MVP: variants seen among roughly 807,000 people sequenced by gnomAD.
The protein encoded by MVP is major vault protein.
Under a neutral mutation model 83.5 loss-of-function variants are expected in MVP, and 62 were observed. That is an observed-to-expected ratio of 0.74 (90% CI 0.61 to 0.92). The LOEUF is 0.92. Ranked by LOEUF, MVP falls within the 40% of genes least tolerant of loss-of-function variation. The pLI is 0.00. For missense variants in MVP, 1,000 were observed against 1,203.4 expected, an observed-to-expected ratio of 0.83 and a Z score of 2.50; for synonymous variants, 505 against 504.1, an observed-to-expected ratio of 1.00 and a Z score of -0.02.
intron 1 of MVP, chr16:29,821,326 G>C (rs1230722822): frequency 1.3e-5 from 2 of 152,346 alleles, no homozygotes; most frequent in Non-Finnish European, 2.9e-5. Context: ...GGCACACAGA[G>C]CACTGGGTCG....
Position 29,846,335 on chromosome 16 carries a change from GC to G in MVP, c.2265+54del, listed in dbSNP as rs759936175. 23 of 1,523,158 alleles carry G rather than the reference GC, an allele frequency of 1.5e-5. 1 individual carries two copies. The South Asian group carries it at 2.8e-4, about 18-fold the overall frequency. 94.4% of individuals were successfully genotyped at this position (1,523,158 alleles called of 1,614,324 possible). A position where few individuals can be genotyped will look rare whatever the true frequency, so the allele number is the denominator to read the frequency against. On this transcript the variant is annotated intron_variant, in intron 13 of 14. Coordinates refer to ENST00000357402, the MANE Select transcript of MVP (RefSeq NM_005115.5). ...AGGGTGGCCTTGAGTCCTGGAAAAG[GC>G]CCATTCCCTACAGTCCCTGAGACTG...
Position 29,832,328 on chromosome 16 carries a change from C to T in MVP, c.321+1255C>T, listed in dbSNP as rs147199029. ...TTTTTTTTTTTTTGAGATGGAGTCT[C>T]ACTCTGTTGCCCAGGCTGGAGTACA... On this transcript the variant is annotated intron_variant, in intron 3 of 14. Coordinates refer to ENST00000357402, the MANE Select transcript of MVP (RefSeq NM_005115.5). 4.3e-3 allele frequency among the ~76,000 whole-genome samples: 517 copies of T among 120,810 alleles called. 4 individuals are homozygous for T. Among genetic ancestry groups the T allele is most frequent in the African/African-American group, 0.016 (481 of 30,202 alleles). The allele number at this position is 120,810 out of a possible 152,430, so 79.3% of individuals were successfully genotyped here. A position where few individuals can be genotyped will look rare whatever the true frequency, so the allele number is the denominator to read the frequency against.
chr16:29,821,308 ACT>A (rs1416717040), intron 1 of MVP: 1 of 151,524 alleles, frequency 6.6e-6, no homozygotes, highest in Non-Finnish European at 1.5e-5. Flanking sequence ...TCTGCCAGAA[ACT>A]CCCTTGGCAC....
intron 1 of MVP, among the ~76,000 whole-genome samples, chr16:29,822,064 T>G (rs1418679498): frequency 6.6e-6 from 1 of 151,240 alleles, no homozygotes; most frequent in African/African-American, 2.4e-5. Context: ...TGTCTCTGTT[T>G]GTGTGTGTGT....
In MVP at chr16:29,830,681, G is replaced by A; in HGVS notation, c.125+7G>A. The A allele has an allele frequency of 6.2e-7, 1 of 1,613,814 alleles. No homozygotes were observed. Among genetic ancestry groups the A allele is most frequent in the Non-Finnish European group, 8.5e-7 (1 of 1,179,878 alleles). On this transcript the variant is annotated splice_region_variant and intron_variant, in intron 2 of 14. Transcript: ENST00000357402. ...TCCGGCAGGACAATGAGAGGTGGGT[G>A]TGGGGGCTGGGCTGTGGGGGATCCT...
At chr16:29,833,468 C>CT (rs34663728) in intron 3 of MVP, 14,743 of 128,698 alleles carry the variant, frequency 0.11, 1,014 homozygotes, top group African/African-American at 0.2. Context: ...CCTGGCTACA[C>CT]TTTTTTTTTT....
At chr16:29,833,490 T>G in intron 3 of MVP, 1 of 250,180 alleles carries the variant, frequency 4.0e-6, no homozygotes, top group Non-Finnish European at 7.6e-6. Context: ...TTTTTTTTTT[T>G]TAGAGATGGG....
At chr16:29,836,649 G>A in intron 6 of MVP, 73 bp from the exon 7 acceptor site, 1 of 1,221,480 alleles carries the variant, frequency 8.2e-7, no homozygotes, top group Non-Finnish European at 1.1e-6. Flanking sequence ...GGAGCATTTG[G>A]TGGCCAATGG....
chr16:29,842,769 G>A (rs2067545526), intron 10 of MVP, among the ~76,000 whole-genome samples: 1 of 152,188 alleles, frequency 6.6e-6, no homozygotes, highest in African/African-American at 2.4e-5. Context: ...GGTCAAGAGG[G>A]AACCTAGGAG....
chr16:29,835,506 C>G, intron 5 of MVP, 198 bp from the exon 6 acceptor site: 7 of 162,518 alleles, frequency 4.3e-5, no homozygotes, highest in East Asian at 2.9e-4. Context: ...AAAAAAAAAA[C>G]TTTTAAAATT....
Position 29,846,051 on chromosome 16 carries a change from G to C in MVP, c.2138+72G>C. ...AGGACAGCAGCTGGTGTGGGCAGCA[G>C]GCCTGGGTGGGGTGTCGATGAGACA... On this transcript the variant is annotated intron_variant, in intron 12 of 14. Transcript: ENST00000357402. The C allele has an allele frequency of 1.9e-6, 3 of 1,610,546 alleles. No homozygotes were observed. In the South Asian group the frequency reaches 3.3e-5, roughly 18 times the overall value.
chr16:29,838,483 G>A (rs2067507102), intron 7 of MVP, among the ~76,000 whole-genome samples: 1 of 151,608 alleles, frequency 6.6e-6, no homozygotes, highest in Non-Finnish European at 1.5e-5. Context: ...TATAATGAAT[G>A]GATAAAAAAT....
In MVP at chr16:29,847,928, C is replaced by T. The variant is rs368030868; in HGVS notation, c.2621C>T (p.Pro874Leu). ...CCCAGCCCTGGGGAGGGGATATCCC[C>T]CCAGTCTGCTCAGGCCCCTCAAGCT... ...SGPSPGEGIS[P>L]QSAQAPQAPG... is the part of the protein sequence containing the mutation. Residue 874 changes from proline to leucine, a missense_variant, in exon 15 of 15, where the codon CCC (proline) becomes CTC (leucine). Physicochemically the swap from Pro to Leu is moderately conservative, Grantham distance 98 (BLOSUM62 -3). Transcript: ENST00000357402. 1.9e-6 allele frequency: 3 copies of T among 1,613,624 alleles called. No homozygotes were observed. The highest frequency in any genetic ancestry group is 2.5e-6 in the Non-Finnish European group (3 of 1,179,846).
intron 1 of MVP, among the ~76,000 whole-genome samples, chr16:29,829,073 CTTT>C (rs36101620): frequency 1.6e-5 from 2 of 128,328 alleles, no homozygotes; most frequent in African/African-American, 3.0e-5. Context: ...TGAGGAACCA[CTTT>C]TTTTTTTTTT....
intron 1 of MVP, among the ~76,000 whole-genome samples, chr16:29,821,904 G>A (rs1259941282): frequency 6.6e-6 from 1 of 152,152 alleles, no homozygotes; most frequent in Admixed American, 6.5e-5. Flanking sequence ...AGTGAGGCCT[G>A]CAAAAAGCAG....
In MVP at chr16:29,830,287, C is replaced by T. The variant is rs151252306; in HGVS notation, c.-35-228C>T. ...GGCAAGGAACCCTGGGCCTCTGTGG[C>T]TCACTGCATCAAGCAGTTCTTGGCA... On this transcript the variant is annotated intron_variant, in intron 1 of 14. Coordinates refer to ENST00000357402, the MANE Select transcript of MVP (RefSeq NM_005115.5). 67 of 355,356 alleles carry T rather than the reference C, an allele frequency of 1.9e-4. 1 individual carries two copies. The highest frequency in any genetic ancestry group is 5.2e-4 in the Admixed American group (12 of 22,992). 22.0% of individuals were successfully genotyped at this position (355,356 alleles called of 1,614,324 possible).
chr16:29,830,628 C>T lies in MVP; in HGVS notation c.79C>T (p.Arg27Cys). The T allele has an allele frequency of 1.9e-6, 3 of 1,613,960 alleles. No homozygotes were observed. The highest frequency in any genetic ancestry group is 1.1e-5 in the South Asian group (1 of 91,064). ...GCTGGACCAGAACAGCAACGTGTCC[C>T]GTGTGGAGGTCGGGCCAAAGACCTA... ...HVLDQNSNVS[R>C]VEVGPKTYIR... is the part of the protein sequence containing the mutation. Residue 27 changes from arginine to cysteine, a missense_variant, in exon 2 of 15, where the codon CGT (arginine) becomes TGT (cysteine). Transcript: ENST00000357402.
intron 1 of MVP, among the ~76,000 whole-genome samples, chr16:29,828,503 C>T (rs1255256279): frequency 1.3e-5 from 2 of 152,134 alleles, no homozygotes; most frequent in Admixed American, 1.3e-4. Context: ...TCTCAGCCCC[C>T]CTAGTAGCTG....
In MVP at chr16:29,840,405, C is replaced by T; in HGVS notation, c.1137C>T (p.Ala379=). Residue 379 remains alanine (A), a synonymous_variant, in exon 8 of 15, where the codon GCC becomes GCT. Coordinates refer to ENST00000357402, the MANE Select transcript of MVP (RefSeq NM_005115.5). The stretch of plus-strand genomic sequence containing the variant: ...TGGAGGTGGTGGAGGAGCGCCAGGC[C>T]ATCCCTCTAGACGAGAACGAGGGCA... The part of the protein sequence containing the change: ...AKVEVVEERQ[A]IPLDENEGIY... The T allele has an allele frequency of 6.3e-7, 1 of 1,590,036 alleles. No homozygotes were observed. The highest frequency in any genetic ancestry group is 8.6e-7 in the Non-Finnish European group (1 of 1,169,084).
Sources: gnomAD v4.1 joint callset for allele counts (sites outside exome capture counted in the v4.1 genomes callset) on GRCh38, gnomAD v4.1.1 for gene constraint, MANE v1.5 for transcripts, NCBI Gene and HGNC (gene_info 2026-07-23, HGNC 2026-07-21) for gene names.